Variants in PNKP observed in about 807,000 individuals in gnomAD.
The protein encoded by PNKP is polynucleotide kinase 3'-phosphatase, also known as bifunctional polynucleotide phosphatase/kinase.
Under a neutral mutation model 66.2 loss-of-function variants are expected in PNKP, and 82 were observed. That is an observed-to-expected ratio of 1.24 (90% CI 1.04 to 1.49). PNKP has a LOEUF of 1.49. Ranked by LOEUF, PNKP falls within the 40% of genes most tolerant of loss-of-function variation. The pLI is 0.00. For missense variants in PNKP, 907 were observed against 706.8 expected (o/e 1.28, Z -3.21); for synonymous variants, 412 against 298.9 (o/e 1.38, Z -3.90).
intron 3 of PNKP, 34 bp from the exon 4 acceptor site, chr19:49,865,460 C>T: frequency 2.0e-6 from 3 of 1,507,732 alleles, no homozygotes; most frequent in South Asian, 2.4e-5. Context: ...GGGACTGGCT[C>T]CGCCCCCACC....
At chr19:49,865,473 G>GAGC (rs1467348123) in intron 3 of PNKP, 47 bp from the exon 4 acceptor site, 2 of 1,424,112 alleles carry the variant, frequency 1.4e-6, no homozygotes, top group Non-Finnish European at 1.9e-6. Context: ...CCCCCACCGG[G>GAGC]AGCTTCCTCC....
chr19:49,861,820 T>A lies in PNKP; in HGVS notation c.1250A>T (p.Lys417Ile). The A allele has an allele frequency of 6.3e-7, 1 of 1,588,698 alleles. No individual in the cohort carries two copies. Among genetic ancestry groups the A allele is most frequent in the South Asian group, 1.1e-5 (1 of 88,200 alleles). ...TTCETALKQG[K>I]RVAIDNTNPD... ...GTTTGTGTTGTCGATGGCGACCCGT[T>A]TCCCTTGCTTCAGGGCTGTCTCACA... Residue 417 changes from lysine to isoleucine, a missense_variant, in exon 14 of 17, where the codon AAA (lysine) becomes ATA (isoleucine). Physicochemically the swap from Lys to Ile is moderately radical, Grantham distance 102. Transcript: ENST00000322344.
At position 49,864,352 on chromosome 19, in the gene PNKP, C is replaced by G; in HGVS notation, c.550G>C (p.Val184Leu). The change falls in exon 5 of 17, where the codon GTC becomes CTC. Residue 184 changes from valine to leucine, a missense_variant. Physicochemically the swap from Val to Leu is conservative, Grantham distance 32. Transcript: ENST00000322344. ...GTLITTRSGK[V>L]FPTGPSDWRI... Reference sequence around the variant, plus strand: ...CAGTCACTGGGGCCAGTGGGAAAGACCTTCCCAGAGCGTGTGGTGATGAGC... The same window carrying G: ...CAGTCACTGGGGCCAGTGGGAAAGAGCTTCCCAGAGCGTGTGGTGATGAGC... The G allele has an allele frequency of 6.2e-7, 1 of 1,614,090 alleles. No homozygotes were observed. Among genetic ancestry groups the G allele is most frequent in the South Asian group, 1.1e-5 (1 of 91,090 alleles).
rs2074784684 is a variant in PNKP at position 49,862,563 on chromosome 19, T to G, written c.911A>C (p.Lys304Thr). 5 of 1,612,598 alleles carry G rather than the reference T, an allele frequency of 3.1e-6. No homozygotes were observed. Among genetic ancestry groups the G allele is most frequent in the Non-Finnish European group, 4.2e-6 (5 of 1,179,294 alleles). Residue 304 changes from lysine to threonine, a missense_variant, in exon 10 of 17, where the codon AAA (lysine) becomes ACA (threonine). Coordinates refer to ENST00000322344, the MANE Select transcript of PNKP (RefSeq NM_007254.4). ...PANWAPGRKK[K>T]DFSCADRLFA... ...CAGGCGATCGGCGCAGGAGAAGTCT[T>G]TCTTCTTCCGCCCCGGGGCCCAGTT...
At position 49,867,070 on chromosome 19, in the gene PNKP, C is replaced by G; in HGVS notation, c.135G>C (p.Lys45Asn). 1 of 1,613,986 alleles carries G rather than the reference C, an allele frequency of 6.2e-7. No individual in the cohort carries two copies. The highest frequency in any genetic ancestry group is 8.5e-7 in the Non-Finnish European group (1 of 1,179,988). The change falls in exon 2 of 17, where the codon AAG (lysine) becomes AAC (asparagine). Residue 45 changes from lysine to asparagine, a missense_variant. Physicochemically the swap from Lys to Asn is moderately conservative, Grantham distance 94 (BLOSUM62 0). Transcript: ENST00000322344. ...CCCGCTCACCTTGAGTTCTGGAGCACTTCCGGTCCGTAACCTGGGTCAGGG... is the reference window on the plus strand; with the variant it reads ...CCCGCTCACCTTGAGTTCTGGAGCAGTTCCGGTCCGTAACCTGGGTCAGGG... ...RGPLTQVTDR[K>N]CSRTQVELVA...
At position 49,861,449 on chromosome 19, in the gene PNKP, C is replaced by T. The variant is rs761149656; in HGVS notation, c.1448G>A (p.Arg483Lys). The change falls in exon 16 of 17, where the codon AGG becomes AAG. Residue 483 changes from arginine (R) to lysine (K), a missense_variant and splice_region_variant. Arg to Lys is a conservative substitution (Grantham distance 26). Coordinates refer to ENST00000322344, the MANE Select transcript of PNKP (RefSeq NM_007254.4). ...TGCCCCCTGCTATCCCCAACAGTAC[C>T]TGTAGCCATACATGACCATGTCTGA... Reference protein sequence around the residue: ...PVSDMVMYGYRKQFEAPTLAE... With the variant: ...PVSDMVMYGYKKQFEAPTLAE... 11 of 1,613,932 alleles carry T rather than the reference C, an allele frequency of 6.8e-6. No individual in the cohort carries two copies. The highest frequency in any genetic ancestry group is 2.2e-5 in the East Asian group (1 of 44,892).
At chr19:49,864,131 T>C (rs1026094855) in intron 6 of PNKP, 48 bp downstream of exon 6, 4 of 1,612,292 alleles carry the variant, frequency 2.5e-6, no homozygotes, top group Non-Finnish European at 3.4e-6. Context: ...CTGACTGCGG[T>C]CGGACCGCCA....
chr19:49,861,765 A>C lies in PNKP; in HGVS notation c.1298+7T>G, dbSNP rs794727126. 3 of 1,566,764 alleles carry C rather than the reference A, an allele frequency of 1.9e-6. No individual in the cohort carries two copies. Among genetic ancestry groups the C allele is most frequent in the Non-Finnish European group, 2.6e-6 (3 of 1,156,518 alleles). ...GCAGGCCACCTACGGCCCCGCGGTC[A>C]CGCTACCTGGCGCGGCTCGCGGCGT... On this transcript the variant is annotated splice_region_variant and intron_variant, in intron 14 of 16. Coordinates refer to ENST00000322344, the MANE Select transcript of PNKP (RefSeq NM_007254.4).
chr19:49,867,490 A>G lies in PNKP; in HGVS notation c.-35T>C, dbSNP rs550311179. 2.1e-4 allele frequency: 102 copies of G among 489,848 alleles called. 1 individual carries two copies. The Middle Eastern group carries it at 3.4e-3, about 16-fold the overall frequency. The allele number at this position is 489,848 out of a possible 1,614,324, so 30.3% of individuals were successfully genotyped here. On this transcript the variant is annotated 5_prime_UTR_variant, in exon 1 of 17. Transcript: ENST00000322344. Reference sequence around the variant, plus strand: ...TCACCCGGGACCGCGGCTTGGGCTCACGGCCACTTCCGACCAGGGAGGTCC... The same window carrying G: ...TCACCCGGGACCGCGGCTTGGGCTCGCGGCCACTTCCGACCAGGGAGGTCC...
chr19:49,861,436 T>C lies in PNKP; in HGVS notation c.1448+13A>G, dbSNP rs748882543. ...CAGCCAGTGCCCCTGCCCCCTGCTA[T>C]CCCCAACAGTACCTGTAGCCATACA... is the stretch of plus-strand genomic sequence containing the variant. On this transcript the variant is annotated intron_variant, in intron 16 of 16. Transcript: ENST00000322344. 1.9e-5 allele frequency: 31 copies of C among 1,613,758 alleles called. No homozygotes were observed. In the African/African-American group the frequency reaches 3.3e-4, roughly 17 times the overall value.
At chr19:49,865,479 C>T (rs937267182) in intron 3 of PNKP, 53 bp from the exon 4 acceptor site, 2 of 1,360,674 alleles carry the variant, frequency 1.5e-6, no homozygotes, top group Non-Finnish European at 2.1e-6. Flanking sequence ...CCGGGAGCTT[C>T]CTCCAATCAA....
intron 8 of PNKP, 87 bp from the exon 9 acceptor site, chr19:49,862,825 T>C (rs1331681644): frequency 7.2e-7 from 1 of 1,386,166 alleles, no homozygotes. Context: ...GCCTGGTCTG[T>C]GCCCCACATC....
chr19:49,865,615 TTTTTTTTTTTC>T (rs1055705389), intron 3 of PNKP, 189 bp from the exon 4 acceptor site: 107 of 515,100 alleles, frequency 2.1e-4, no homozygotes, highest in Middle Eastern at 2.0e-3. Flanking sequence ...TTTTTTTTTT[TTTTTTTTTTTC>T]CCCTGGAGAT....
chr19:49,861,809 T>C lies in PNKP; in HGVS notation c.1261A>G (p.Ile421Val), dbSNP rs377485860. 5 of 1,581,690 alleles carry C rather than the reference T, an allele frequency of 3.2e-6. No homozygotes were observed. The highest frequency in any genetic ancestry group is 1.4e-5 in the African/African-American group (1 of 73,910). The change falls in exon 14 of 17, where the codon ATC becomes GTC. Residue 421 changes from isoleucine (I) to valine (V), a missense_variant. Physicochemically the swap from Ile to Val is conservative, Grantham distance 29. Transcript: ENST00000322344. ...TALKQGKRVA[I>V]DNTNPDAASR... ...GCGGCGTCTGGGTTTGTGTTGTCGA[T>C]GGCGACCCGTTTCCCTTGCTTCAGG... is the stretch of plus-strand genomic sequence containing the variant.
intron 8 of PNKP, among the ~76,000 whole-genome samples, chr19:49,863,021 G>C (rs1262022474): frequency 6.6e-6 from 1 of 152,040 alleles, no homozygotes; most frequent in African/African-American, 2.4e-5. Context: ...AGCCTCCGGC[G>C]TGCCGGCGCC....
rs1438624835 is a variant in PNKP, at chr19:49,867,214, C to G, written c.-10G>C. On this transcript the variant is annotated 5_prime_UTR_variant, in exon 2 of 17. Coordinates refer to ENST00000322344, the MANE Select transcript of PNKP (RefSeq NM_007254.4). ...CCTCCACCTCGCCCATCCTGGGTGC[C>G]GGCCTGGGGAGCAGGTAAACGGGCT... 1 of 1,607,944 alleles carries G rather than the reference C, an allele frequency of 6.2e-7. No homozygotes were observed. The highest frequency in any genetic ancestry group is 2.2e-5 in the East Asian group (1 of 44,652).
chr19:49,865,830 T>C (rs2074815708), intron 3 of PNKP: 2 of 233,094 alleles, frequency 8.6e-6, no homozygotes, highest in African/African-American at 4.9e-5. Flanking sequence ...GCCAGGCTGG[T>C]CACAAACTCC....
chr19:49,867,278 G>A lies in PNKP; in HGVS notation c.-13-61C>T, dbSNP rs369371084. On this transcript the variant is annotated intron_variant, in intron 1 of 16. Coordinates refer to ENST00000322344, the MANE Select transcript of PNKP (RefSeq NM_007254.4). Reference sequence around the variant, plus strand: ...GCCCCAATTTGCTGCAGGAAGTCCCGCCTCCTCCCACATCCACTAGAAAGT... The same window carrying A: ...GCCCCAATTTGCTGCAGGAAGTCCCACCTCCTCCCACATCCACTAGAAAGT... 29 of 1,481,890 alleles carry A rather than the reference G, an allele frequency of 2.0e-5. No homozygotes were observed. In the African/African-American group the frequency reaches 3.8e-4, roughly 19 times the overall value. 91.8% of individuals were successfully genotyped at this position (1,481,890 alleles called of 1,614,324 possible).
Position 49,861,290 on chromosome 19 carries a change from C to G in PNKP, c.1524G>C (p.Glu508Asp), listed in dbSNP as rs752776104. 2.5e-6 allele frequency: 4 copies of G among 1,613,994 alleles called. No individual in the cohort carries two copies. The South Asian group carries it at 4.4e-5, about 18-fold the overall frequency. ...ILEIPFRLWV[E>D]PRLGRLYCQF... The stretch of plus-strand genomic sequence containing the variant: ...GGCAGTACAGCCGCCCCAGCCTCGG[C>G]TCCACCCATAGCCGGAACGGGATCT... The change falls in exon 17 of 17, where the codon GAG (glutamate) becomes GAC (aspartate). Residue 508 changes from glutamate (E) to aspartate (D), a missense_variant. Physicochemically the swap from Glu to Asp is conservative, Grantham distance 45. Transcript: ENST00000322344.
Sources: gnomAD v4.1 joint callset for allele counts (sites outside exome capture counted in the v4.1 genomes callset) on GRCh38, gnomAD v4.1.1 for gene constraint, MANE v1.5 for transcripts, NCBI Gene and HGNC (gene_info 2026-07-23, HGNC 2026-07-21) for gene names.